GRXCR1: variants seen among roughly 807,000 people sequenced by gnomAD.
GRXCR1 encodes glutaredoxin and cysteine rich domain containing 1.
GRXCR1 carries 27 observed loss-of-function variants against 27.3 expected under a neutral mutation model. The observed-to-expected ratio is 0.99, with a 90% confidence interval of 0.73 to 1.37. The LOEUF (loss-of-function observed/expected upper bound fraction) is 1.37. Ranked by LOEUF, GRXCR1 falls within the 40% of genes most tolerant of loss-of-function variation. The pLI is 0.00. For synonymous variants in GRXCR1, 122 were observed against 131.1 expected (o/e 0.93, Z 0.47); for missense variants, 379 against 354.4 (o/e 1.07, Z -0.56).
chr4:42,934,203 CT>C (rs1747400452), intron 1 of GRXCR1, among the ~76,000 whole-genome samples: 1 of 149,472 alleles, frequency 6.7e-6, no homozygotes, highest in Non-Finnish European at 1.5e-5. Flanking sequence ...TGAGTTGAGA[CT>C]TCATAATATA....
intron 2 of GRXCR1, among the ~76,000 whole-genome samples, chr4:43,001,767 A>ACCGG (rs1489584607): frequency 6.6e-6 from 1 of 152,180 alleles, no homozygotes. Flanking sequence ...GTGCTCCAGC[A>ACCGG]CACCAAGGAC....
chr4:42,902,115 C>A (rs1746474869), intron 1 of GRXCR1, among the ~76,000 whole-genome samples: 2 of 152,026 alleles, frequency 1.3e-5, no homozygotes, highest in Non-Finnish European at 2.9e-5. Flanking sequence ...GTATTATATA[C>A]CTTACTGAGT....
intron 1 of GRXCR1, among the ~76,000 whole-genome samples, chr4:42,947,758 A>G (rs190686485): frequency 1.3e-5 from 2 of 152,306 alleles, no homozygotes; most frequent in African/African-American, 4.8e-5. Flanking sequence ...CCTTCTGATA[A>G]TGATATAGCA....
At chr4:42,926,859 T>G (rs1747169455) in intron 1 of GRXCR1, among the ~76,000 whole-genome samples, 1 of 152,056 alleles carries the variant, frequency 6.6e-6, no homozygotes, top group Non-Finnish European at 1.5e-5. Context: ...TCGTTTCTCC[T>G]GGAGTTACTT....
intron 1 of GRXCR1, among the ~76,000 whole-genome samples, chr4:42,935,715 A>C (rs1176989227): frequency 1.3e-5 from 2 of 151,758 alleles, no homozygotes; most frequent in African/African-American, 4.8e-5. Context: ...AATGCCAGGC[A>C]GAAGCATCTG....
At chr4:42,939,113 GT>G (rs1747535602) in intron 1 of GRXCR1, among the ~76,000 whole-genome samples, 1 of 151,958 alleles carries the variant, frequency 6.6e-6, no homozygotes, top group African/African-American at 2.4e-5. Context: ...TTTTAACAAT[GT>G]TGATTCTTCC....
chr4:42,924,522 A>G (rs1747099531), intron 1 of GRXCR1, among the ~76,000 whole-genome samples: 2 of 151,984 alleles, frequency 1.3e-5, no homozygotes, highest in Admixed American at 6.6e-5. Flanking sequence ...GCAGCTCAGG[A>G]CTTTCTAAAT....
intron 2 of GRXCR1, among the ~76,000 whole-genome samples, chr4:42,995,261 G>A (rs945349109): frequency 4.6e-5 from 7 of 152,060 alleles, no homozygotes; most frequent in African/African-American, 1.7e-4. Context: ...TCCTATAGAT[G>A]GGAGCACTGA....
At chr4:43,000,290 C>T (rs1712308614) in intron 2 of GRXCR1, among the ~76,000 whole-genome samples, 3 of 151,764 alleles carry the variant, frequency 2.0e-5, no homozygotes, top group Admixed American at 1.3e-4. Flanking sequence ...CCATCCTGGC[C>T]AACATGGTGA....
intron 1 of GRXCR1, among the ~76,000 whole-genome samples, chr4:42,930,855 T>G (rs1747289511): frequency 6.6e-6 from 1 of 152,004 alleles, no homozygotes; most frequent in South Asian, 2.1e-4. Context: ...CTTCTATTTC[T>G]TTTCTTTTGC....
At position 42,985,270 on chromosome 4, in the gene GRXCR1, C is replaced by T. The variant is rs112389261; in HGVS notation, c.627+22136C>T. Among the ~76,000 whole-genome samples, 484 of 152,250 alleles carry T rather than the reference C, an allele frequency of 3.2e-3. 5 individuals are homozygous for T. The highest frequency in any genetic ancestry group is 1.0e-2 in the South Asian group (48 of 4,824). ...TATATTTAAAATTAAATGTAAACCACTAACCATTCTTAATTTGATTGAAGA... is the reference window on the plus strand; with the variant it reads ...TATATTTAAAATTAAATGTAAACCATTAACCATTCTTAATTTGATTGAAGA... On this transcript the variant is annotated intron_variant, in intron 2 of 3. Coordinates refer to ENST00000399770, the MANE Select transcript of GRXCR1 (RefSeq NM_001080476.3).
At chr4:42,980,970 TG>T (rs1366996153) in intron 2 of GRXCR1, among the ~76,000 whole-genome samples, 1 of 151,588 alleles carries the variant, frequency 6.6e-6, no homozygotes, top group African/African-American at 2.4e-5. Flanking sequence ...GTTTTTTTTT[TG>T]TATCCATTCA....
chr4:42,975,127 T>C (rs999174521), intron 2 of GRXCR1, among the ~76,000 whole-genome samples: 2 of 152,130 alleles, frequency 1.3e-5, no homozygotes, highest in Non-Finnish European at 2.9e-5. Flanking sequence ...TAGATGGGAA[T>C]GGAGGTGCAC....
chr4:43,004,979 T>A (rs2109798973), intron 2 of GRXCR1, among the ~76,000 whole-genome samples: 1 of 152,310 alleles, frequency 6.6e-6, no homozygotes, highest in East Asian at 1.9e-4. Context: ...GGTTTGGCTC[T>A]GTGTCCCCAC....
chr4:42,983,430 C>G (rs1369138148), intron 2 of GRXCR1, among the ~76,000 whole-genome samples: 1 of 151,436 alleles, frequency 6.6e-6, no homozygotes, highest in Non-Finnish European at 1.5e-5. Flanking sequence ...TGTTTTGGTA[C>G]CAGTAGCATG....
intron 1 of GRXCR1, among the ~76,000 whole-genome samples, chr4:42,919,082 G>A (rs887872720): frequency 1.3e-5 from 2 of 152,104 alleles, no homozygotes; most frequent in African/African-American, 4.8e-5. Context: ...ACCTGTATTA[G>A]TTGCTAATAT....
chr4:42,932,032 G>A (rs1192717068), intron 1 of GRXCR1, among the ~76,000 whole-genome samples: 6 of 151,852 alleles, frequency 4.0e-5, no homozygotes, highest in South Asian at 4.1e-4. Context: ...CAAACAGCAC[G>A]GAAAAGACCC....
chr4:42,947,193 G>A (rs1299568252), intron 1 of GRXCR1, among the ~76,000 whole-genome samples: 2 of 152,078 alleles, frequency 1.3e-5, no homozygotes, highest in African/African-American at 2.4e-5. Context: ...AATTTTGGAC[G>A]AGGTCATCAG....
At chr4:42,982,808 G>A (rs1711534670) in intron 2 of GRXCR1, among the ~76,000 whole-genome samples, 1 of 150,708 alleles carries the variant, frequency 6.6e-6, no homozygotes, top group South Asian at 2.1e-4. Flanking sequence ...GACGGCCAGT[G>A]ATGATGAGCA....
Sources: allele counts gnomAD v4.1 joint callset (sites outside exome capture counted in the v4.1 genomes callset), GRCh38; gene constraint gnomAD v4.1.1; transcripts MANE v1.5; gene names NCBI Gene and HGNC (gene_info 2026-07-23, HGNC 2026-07-21).